The following WDFY4 variants were observed in gnomAD, a reference collection of about 807,000 sequenced individuals.
The protein encoded by WDFY4 is WDFY family member 4, also known as WD repeat- and FYVE domain-containing protein 4.
In WDFY4, 169 loss-of-function variants were observed where a neutral mutation model predicts 351.9. The observed-to-expected ratio is 0.48, with a 90% CI of 0.42 to 0.55. The LOEUF is 0.55. Among genes scored for constraint, WDFY4 ranks in the 20% least tolerant of loss-of-function variants. WDFY4 has a pLI of 0.00. For synonymous variants in WDFY4, 1,622 were observed against 1,574.6 expected, an observed-to-expected ratio of 1.03 and a Z score of -0.71; for missense variants, 3,803 against 3,935.6, an observed-to-expected ratio of 0.97 and a Z score of 0.90.
intron 40 of WDFY4, 151 bp from the exon 41 acceptor site, chr10:48,873,340 G>C (rs188553530): frequency 2.4e-6 from 2 of 835,566 alleles, no homozygotes; most frequent in East Asian, 5.4e-5. Flanking sequence ...GGCTGCAGTG[G>C]GTACCCTACA....
At chr10:48,885,437 A>G (rs944668706) in intron 43 of WDFY4, among the ~76,000 whole-genome samples, 1 of 152,194 alleles carries the variant, frequency 6.6e-6, no homozygotes, top group South Asian at 2.1e-4. Flanking sequence ...GGGTCTTGTA[A>G]CATGTTTCAC....
intron 11 of WDFY4, among the ~76,000 whole-genome samples, chr10:48,741,490 C>A (rs2064850165): frequency 6.8e-6 from 1 of 147,780 alleles, no homozygotes; most frequent in African/African-American, 2.5e-5. Flanking sequence ...ATGGAGCTCC[C>A]AAAGTGCATG....
chr10:48,797,734 T>C (rs1202318031), intron 24 of WDFY4, among the ~76,000 whole-genome samples: 1 of 152,220 alleles, frequency 6.6e-6, no homozygotes, highest in Non-Finnish European at 1.5e-5. Context: ...TAGATGGGAC[T>C]TTTGTGCTGA....
intron 13 of WDFY4, among the ~76,000 whole-genome samples, chr10:48,764,604 G>A (rs549182784): frequency 7.9e-5 from 12 of 152,322 alleles, no homozygotes; most frequent in East Asian, 1.9e-4. Flanking sequence ...TGAGGGCTAC[G>A]GCTTCTAATC....
intron 13 of WDFY4, among the ~76,000 whole-genome samples, chr10:48,764,704 G>T (rs936614095): frequency 1.3e-5 from 2 of 152,280 alleles, no homozygotes; most frequent in East Asian, 3.8e-4. Context: ...GTTGGAGCCA[G>T]ACTGTGTAGC....
chr10:48,902,189 G>A (rs1484875402), intron 47 of WDFY4, among the ~76,000 whole-genome samples: 2 of 152,242 alleles, frequency 1.3e-5, no homozygotes, highest in Non-Finnish European at 2.9e-5. Flanking sequence ...GCCCTCCCAT[G>A]GGGGTGTGTG....
intron 12 of WDFY4, 109 bp downstream of exon 12, chr10:48,743,657 C>A: frequency 7.9e-7 from 1 of 1,261,492 alleles, no homozygotes; most frequent in Non-Finnish European, 1.1e-6. Flanking sequence ...AATGGGTGTG[C>A]AGAAATGTCA....
At chr10:48,944,996 C>T (rs1345881969) in intron 49 of WDFY4, among the ~76,000 whole-genome samples, 2 of 152,160 alleles carry the variant, frequency 1.3e-5, no homozygotes, top group African/African-American at 2.4e-5. Flanking sequence ...ACTCTTGCCC[C>T]TGCTTCTCCC....
At chr10:48,807,780 G>T in intron 27 of WDFY4, 79 bp from the exon 28 acceptor site, 1 of 1,475,294 alleles carries the variant, frequency 6.8e-7, no homozygotes, top group Non-Finnish European at 9.2e-7. Context: ...TAAGCATTTG[G>T]TGAATATGAT....
intron 39 of WDFY4, among the ~76,000 whole-genome samples, chr10:48,858,495 CA>C (rs1055383749): frequency 3.9e-5 from 6 of 152,172 alleles, no homozygotes; most frequent in African/African-American, 1.4e-4. Flanking sequence ...GCAACTTTGT[CA>C]AAAATTAGTT....
intron 1 of WDFY4, among the ~76,000 whole-genome samples, chr10:48,699,255 A>G (rs1408965498): frequency 6.6e-6 from 1 of 152,122 alleles, no homozygotes; most frequent in African/African-American, 2.4e-5. Context: ...GCAGGCAGAG[A>G]AGGAGATCAC....
chr10:48,847,669 C>T (rs548585287), intron 39 of WDFY4, among the ~76,000 whole-genome samples: 38 of 152,132 alleles, frequency 2.5e-4, no homozygotes, highest in Non-Finnish European at 4.7e-4. Flanking sequence ...TCACAGAGGC[C>T]CTGACACCCA....
chr10:48,764,952 G>C (rs894774949), intron 13 of WDFY4, among the ~76,000 whole-genome samples: 8 of 152,224 alleles, frequency 5.3e-5, no homozygotes, highest in Admixed American at 1.3e-4. Flanking sequence ...AGGCTTTAAA[G>C]GAAAGGGATG....
rs1463803150 is a variant in WDFY4, at chr10:48,733,928, C to T, written c.1583-3C>T. 10 of 1,551,422 alleles carry T rather than the reference C, an allele frequency of 6.4e-6. No individual in the cohort carries two copies. The highest frequency in any genetic ancestry group is 8.7e-6 in the Non-Finnish European group (10 of 1,146,760). ...TTTTGTTATTTCTTCTTCAATATGG[C>T]AGGAAACAAAGTGTCCACTCCTGGT... On this transcript the variant is annotated splice_polypyrimidine_tract_variant and splice_region_variant and intron_variant, in intron 9 of 61. Coordinates refer to ENST00000325239, the MANE Select transcript of WDFY4 (RefSeq NM_001394531.1).
At chr10:48,838,676 GC>G (rs2133107548) in intron 39 of WDFY4, among the ~76,000 whole-genome samples, 1 of 152,184 alleles carries the variant, frequency 6.6e-6, no homozygotes, top group African/African-American at 2.4e-5. Context: ...TCAACTCATG[GC>G]CAATTTTCTC....
rs1269107593 is a variant in WDFY4, at chr10:48,890,608, G to T, written c.7197G>T (p.Val2399=). ...CGCAGAAGTTCTCCCTGGTGATTGT[G>T]CAGGGCCACCTGGTGTCAGAAGGGG... ...KVTQKFSLVI[V]QGHLVSEGVL... Residue 2399 remains valine, a synonymous_variant, in exon 44 of 62, where the codon GTG becomes GTT. Coordinates refer to ENST00000325239, the MANE Select transcript of WDFY4 (RefSeq NM_001394531.1). The T allele has an allele frequency of 2.6e-6, 4 of 1,551,600 alleles. No individual in the cohort carries two copies. In the African/African-American group the frequency reaches 4.1e-5, roughly 16 times the overall value.
chr10:48,947,000 AC>A, intron 51 of WDFY4, 31 bp downstream of exon 51: 1 of 1,349,758 alleles, frequency 7.4e-7, no homozygotes. Context: ...GTACACACAC[AC>A]ACACACACAC....
At chr10:48,858,346 T>G (rs937034499) in intron 39 of WDFY4, among the ~76,000 whole-genome samples, 4 of 152,248 alleles carry the variant, frequency 2.6e-5, no homozygotes, top group Non-Finnish European at 5.9e-5. Context: ...ATGTATAGTT[T>G]TATGTTTTAC....
At chr10:48,774,012 G>T (rs1406443326) in intron 13 of WDFY4, among the ~76,000 whole-genome samples, 1 of 152,170 alleles carries the variant, frequency 6.6e-6, no homozygotes, top group African/African-American at 2.4e-5. Context: ...CCCCCACAGA[G>T]GTGCAAGCCA....
Sources: allele counts gnomAD v4.1 joint callset (sites outside exome capture counted in the v4.1 genomes callset), GRCh38; gene constraint gnomAD v4.1.1; transcripts MANE v1.5; gene names NCBI Gene and HGNC (gene_info 2026-07-23, HGNC 2026-07-21).